Variants in RALGDS observed in about 807,000 individuals in gnomAD.
RALGDS encodes the protein ral guanine nucleotide exchange factor.
Under a neutral mutation model 99.8 loss-of-function variants are expected in RALGDS, and 44 were observed. The observed-to-expected ratio is 0.44, with a 90% confidence interval of 0.35 to 0.57. RALGDS has a LOEUF of 0.57. Ranked by LOEUF, RALGDS falls within the 20% of genes least tolerant of loss-of-function variation. RALGDS has a pLI of 0.01. For missense variants in RALGDS, 1,022 were observed against 1,203.1 expected (o/e 0.85, Z 2.23); for synonymous variants, 529 against 505.0 (o/e 1.05, Z -0.64).
At chr9:133,143,480 T>G (rs893943847) in intron 1 of RALGDS, among the ~76,000 whole-genome samples, 1 of 152,100 alleles carries the variant, frequency 6.6e-6, no homozygotes, top group Non-Finnish European at 1.5e-5. Context: ...TCTTGCTGGA[T>G]GCAGTGTCTC....
chr9:133,103,354 A>AG (rs1830852679), intron 11 of RALGDS, 92 bp from the exon 12 acceptor site: 30 of 1,495,820 alleles, frequency 2.0e-5, no homozygotes, highest in Non-Finnish European at 2.7e-5. Context: ...AGTGCCCACC[A>AG]GGGGGCAGGG....
chr9:133,116,163 G>A (rs1015650755), intron 1 of RALGDS, among the ~76,000 whole-genome samples: 8 of 152,206 alleles, frequency 5.3e-5, no homozygotes, highest in African/African-American at 1.7e-4. Flanking sequence ...TCCTGCCCTC[G>A]GGCCTGCCCT....
At chr9:133,140,416 C>T (rs951372847) in intron 1 of RALGDS, among the ~76,000 whole-genome samples, 2 of 152,142 alleles carry the variant, frequency 1.3e-5, no homozygotes, top group African/African-American at 2.4e-5. Flanking sequence ...ACAAGCCCAC[C>T]CCTCCCTGCC....
At chr9:133,112,180 C>T (rs985358108) in intron 1 of RALGDS, 28 bp from the exon 2 acceptor site, 12 of 1,510,710 alleles carry the variant, frequency 7.9e-6, no homozygotes, top group East Asian at 4.9e-5. Context: ...GGCAGCCGGG[C>T]GCGGGGACGT....
At chr9:133,103,678 C>G in intron 11 of RALGDS, 69 bp downstream of exon 11, 212 of 1,508,292 alleles carry the variant, frequency 1.4e-4, no homozygotes, top group African/African-American at 2.7e-5. Flanking sequence ...GGTGTGGCAG[C>G]CCAGCCCCCA....
chr9:133,127,629 C>T (rs183242504), intron 1 of RALGDS, among the ~76,000 whole-genome samples: 23 of 152,334 alleles, frequency 1.5e-4, no homozygotes, highest in Middle Eastern at 3.4e-3. Context: ...AGCTGGACCA[C>T]GCGTGGGAAC....
Position 133,100,347 on chromosome 9 carries a change from G to A in RALGDS, c.2490C>T (p.Arg830=). ...CCAGGTTGTGTTTGTCCATGGCCTTGCGGATTACAGCCGGAGCCTTATCTT... is the reference window on the plus strand; with the variant it reads ...CCAGGTTGTGTTTGTCCATGGCCTTACGGATTACAGCCGGAGCCTTATCTT... ...TSQDKAPAVI[R]KAMDKHNLEE... is the part of the protein sequence containing the mutation. The change falls in exon 17 of 18, where the codon CGC becomes CGT. Residue 830 remains arginine, a synonymous_variant. Transcript: ENST00000372050. 6.2e-7 allele frequency: 1 copy of A among 1,614,184 alleles called. No individual in the cohort carries two copies.
chr9:133,102,447 G>A, intron 14 of RALGDS, 29 bp downstream of exon 14: 1 of 1,603,650 alleles, frequency 6.2e-7, no homozygotes, highest in Non-Finnish European at 8.5e-7. Flanking sequence ...CAAGGCAGCT[G>A]CCCCTACCAC....
At chr9:133,143,023 C>A (rs1041523654) in intron 1 of RALGDS, among the ~76,000 whole-genome samples, 1 of 152,236 alleles carries the variant, frequency 6.6e-6, no homozygotes, top group Non-Finnish European at 1.5e-5. Flanking sequence ...GGCAGTGGCA[C>A]TTATCTTGCA....
chr9:133,118,919 G>A (rs1302154072), intron 1 of RALGDS, among the ~76,000 whole-genome samples: 1 of 152,216 alleles, frequency 6.6e-6, no homozygotes, highest in Non-Finnish European at 1.5e-5. Context: ...TACTCTGTAG[G>A]GTTGGTCTAA....
chr9:133,113,558 C>CA (rs1302634720), intron 1 of RALGDS, among the ~76,000 whole-genome samples: 1 of 152,242 alleles, frequency 6.6e-6, no homozygotes, highest in Non-Finnish European at 1.5e-5. Context: ...CACACCCACA[C>CA]CCCACAAACA....
chr9:133,112,177 G>A (rs562236145), intron 1 of RALGDS, 25 bp from the exon 2 acceptor site: 157 of 1,523,088 alleles, frequency 1.0e-4, no homozygotes, highest in Admixed American at 5.5e-4. Context: ...CCCGGCAGCC[G>A]GGCGCGGGGA....
chr9:133,121,361 C>T, upstream of RALGDS: 1 of 374,534 alleles, frequency 2.7e-6, no homozygotes. Context: ...CGCGCGCCCG[C>T]GGCCCCGCCC....
intron 2 of RALGDS, 80 bp from the exon 3 acceptor site, chr9:133,110,569 C>T: frequency 7.7e-7 from 1 of 1,297,298 alleles, no homozygotes; most frequent in South Asian, 1.2e-5. Context: ...CCCGAGCCCT[C>T]AGCAGCTTGT....
intron 1 of RALGDS, among the ~76,000 whole-genome samples, chr9:133,146,177 T>C (rs1192817910): frequency 1.4e-5 from 2 of 143,106 alleles, no homozygotes; most frequent in Non-Finnish European, 3.2e-5. Flanking sequence ...CCCATGATGT[T>C]TGTTTGTTTG....
At chr9:133,129,201 G>C (rs779404205) in intron 1 of RALGDS, 9 of 1,597,130 alleles carry the variant, frequency 5.6e-6, no homozygotes, top group Non-Finnish European at 6.8e-6. Context: ...AGAGCGGCAC[G>C]ACGGGCGACG....
chr9:133,104,067 C>T (rs1330303213), intron 10 of RALGDS, among the ~76,000 whole-genome samples, 196 bp downstream of exon 10: 1 of 152,200 alleles, frequency 6.6e-6, no homozygotes, highest in African/African-American at 2.4e-5. Flanking sequence ...CCCGCCTGAG[C>T]CGGCTCTGCC....
At chr9:133,105,254 G>A (rs1001283856) in intron 9 of RALGDS, among the ~76,000 whole-genome samples, 1 of 152,170 alleles carries the variant, frequency 6.6e-6, no homozygotes, top group Non-Finnish European at 1.5e-5. Context: ...TATGCCAGGG[G>A]CACCAGGCAG....
intron 1 of RALGDS, 61 bp downstream of exon 1, chr9:133,120,911 G>C (rs1831898588): frequency 1.4e-6 from 2 of 1,433,886 alleles, no homozygotes; most frequent in South Asian, 2.7e-5. Flanking sequence ...GACCTGCCCA[G>C]CTCTGCCGCG....
Sources: allele counts gnomAD v4.1 joint callset (sites outside exome capture counted in the v4.1 genomes callset), GRCh38; gene constraint gnomAD v4.1.1; transcripts MANE v1.5; gene names NCBI Gene and HGNC (gene_info 2026-07-23, HGNC 2026-07-21).